The following KCTD20 variants were observed in gnomAD, a reference collection of about 807,000 sequenced individuals.
KCTD20 encodes the protein potassium channel tetramerization domain containing 20, also known as BTB/POZ domain-containing protein KCTD20.
Under a neutral mutation model 39.6 loss-of-function variants are expected in KCTD20, and 30 were observed. That is an observed-to-expected ratio of 0.76 (90% CI 0.57 to 1.03). The LOEUF (loss-of-function observed/expected upper bound fraction) is 1.03. Ranked by LOEUF, KCTD20 falls within the 50% of genes least tolerant of loss-of-function variation. KCTD20 has a pLI of 0.00. For synonymous variants in KCTD20, 162 were observed against 180.6 expected, an observed-to-expected ratio of 0.90 and a Z score of 0.83; for missense variants, 422 against 522.0, an observed-to-expected ratio of 0.81 and a Z score of 1.87.
At chr6:36,478,313 G>A (rs1776135671) in intron 3 of KCTD20, among the ~76,000 whole-genome samples, 1 of 152,170 alleles carries the variant, frequency 6.6e-6, no homozygotes, top group Non-Finnish European at 1.5e-5. Flanking sequence ...AGTGCAGCAG[G>A]AGTGGAAGTC....
chr6:36,484,238 AC>A (rs1471269003), intron 6 of KCTD20, among the ~76,000 whole-genome samples: 1 of 151,956 alleles, frequency 6.6e-6, no homozygotes, highest in Non-Finnish European at 1.5e-5. Context: ...CCCAGCCAAA[AC>A]CTTTTTAGTT....
At position 36,481,833 on chromosome 6, in the gene KCTD20, A is replaced by T. The variant is rs962430108; in HGVS notation, c.856+74A>T. ...CCTGGAGTAGCAGCTTGATCCTAGAACCAATGTGAATATCAATGTTGAGCC... is the reference window on the plus strand; with the variant it reads ...CCTGGAGTAGCAGCTTGATCCTAGATCCAATGTGAATATCAATGTTGAGCC... On this transcript the variant is annotated intron_variant, in intron 6 of 7. Coordinates refer to ENST00000373731, the MANE Select transcript of KCTD20 (RefSeq NM_173562.5). 1.4e-5 allele frequency: 17 copies of T among 1,254,436 alleles called. No individual in the cohort carries two copies. The African/African-American group carries it at 2.2e-4, about 16-fold the overall frequency. 77.7% of individuals were successfully genotyped at this position (1,254,436 alleles called of 1,614,324 possible). A position where few individuals can be genotyped will look rare whatever the true frequency, so the allele number is the denominator to read the frequency against.
intron 1 of KCTD20, among the ~76,000 whole-genome samples, chr6:36,466,538 T>G (rs896649066): frequency 6.6e-6 from 1 of 151,946 alleles, no homozygotes; most frequent in Non-Finnish European, 1.5e-5. Flanking sequence ...TGCACCACCA[T>G]GTCTGGCTAA....
rs1367865482 is a variant in KCTD20, at chr6:36,470,111, G to C, written c.14G>C (p.Arg5Pro). The change falls in exon 2 of 8, where the codon CGT (arginine) becomes CCT (proline). Residue 5 changes from arginine (R) to proline (P), a missense_variant. Coordinates refer to ENST00000373731, the MANE Select transcript of KCTD20 (RefSeq NM_173562.5). ...CAGAATCTAAGGATGAATGTTCACCGTGGCAGTGACAGTGACAGGTTATTG... is the reference window on the plus strand; with the variant it reads ...CAGAATCTAAGGATGAATGTTCACCCTGGCAGTGACAGTGACAGGTTATTG... MNVH[R>P]GSDSDRLLRQ... 1 of 1,613,008 alleles carries C rather than the reference G, an allele frequency of 6.2e-7. No homozygotes were observed. Among genetic ancestry groups the C allele is most frequent in the Non-Finnish European group, 8.5e-7 (1 of 1,179,374 alleles).
At chr6:36,447,123 G>A (rs148375949) in intron 1 of KCTD20, among the ~76,000 whole-genome samples, 1 of 152,300 alleles carries the variant, frequency 6.6e-6, no homozygotes, top group Non-Finnish European at 1.5e-5. Flanking sequence ...AAGAATGTGG[G>A]TTGTGGAGTC....
rs751078583 is a variant in KCTD20, at chr6:36,488,638, C to T, written c.*1463C>T. ...ACCCCAAATCTGAAAGGCTTCTGAA[C>T]GTCATGTCAGCACTCAAAAAAGTGG... On this transcript the variant is annotated 3_prime_UTR_variant, in exon 8 of 8. Coordinates refer to ENST00000373731, the MANE Select transcript of KCTD20 (RefSeq NM_173562.5). The T allele has an allele frequency of 3.9e-5, 6 of 152,120 alleles. No individual in the cohort carries two copies. Among genetic ancestry groups the T allele is most frequent in the South Asian group, 2.1e-4 (1 of 4,828 alleles). 9.4% of individuals were successfully genotyped at this position (152,120 alleles called of 1,614,324 possible).
intron 2 of KCTD20, among the ~76,000 whole-genome samples, chr6:36,473,217 C>T (rs1775963357): frequency 6.6e-6 from 1 of 151,966 alleles, no homozygotes; most frequent in African/African-American, 2.4e-5. Context: ...CCCGCCACCA[C>T]ACTCAGCTAA....
At chr6:36,453,336 C>T (rs1055515413) in intron 1 of KCTD20, among the ~76,000 whole-genome samples, 1 of 151,838 alleles carries the variant, frequency 6.6e-6, no homozygotes, top group Non-Finnish European at 1.5e-5. Flanking sequence ...GTTTTGTTTT[C>T]TTAAAGCCAA....
chr6:36,454,766 T>C (rs1775380129), intron 1 of KCTD20, among the ~76,000 whole-genome samples: 1 of 152,114 alleles, frequency 6.6e-6, no homozygotes, highest in East Asian at 1.9e-4. Context: ...GTCTCCCAAG[T>C]ACCTGGGACT....
At chr6:36,477,953 G>A (rs1172922138) in intron 3 of KCTD20, among the ~76,000 whole-genome samples, 1 of 151,342 alleles carries the variant, frequency 6.6e-6, no homozygotes, top group Non-Finnish European at 1.5e-5. Flanking sequence ...AAATTAGCCG[G>A]GTGCCCTGGC....
At position 36,478,106 on chromosome 6, in the gene KCTD20, G is replaced by GA. The variant is rs1280745768; in HGVS notation, c.435-1011dup. Among the ~76,000 whole-genome samples the GA allele has an allele frequency of 7.8e-3, 705 of 89,842 alleles. 7 individuals are homozygous for GA. The highest frequency in any genetic ancestry group is 0.013 in the Admixed American group (104 of 8,042). The allele number at this position is 89,842 out of a possible 152,430, so 58.9% of individuals were successfully genotyped here. A position where few individuals can be genotyped will look rare whatever the true frequency, so the allele number is the denominator to read the frequency against. The stretch of plus-strand genomic sequence containing the variant: ...CGAAACTCCATCTCAAAAAAAAAAA[G>GA]AAAAGAAAAGCAGCCAGTTCAGGCT... On this transcript the variant is annotated intron_variant, in intron 3 of 7. Transcript: ENST00000373731.
chr6:36,460,504 C>T (rs1489136820), intron 1 of KCTD20, among the ~76,000 whole-genome samples: 11 of 152,126 alleles, frequency 7.2e-5, no homozygotes. Flanking sequence ...GGGGTTTCAC[C>T]ATGTTGGCCA....
intron 6 of KCTD20, among the ~76,000 whole-genome samples, chr6:36,482,385 C>T (rs1776277023): frequency 6.6e-6 from 1 of 151,920 alleles, no homozygotes; most frequent in African/African-American, 2.4e-5. Flanking sequence ...AAGCCCATCT[C>T]TACTAAAAAT....
At chr6:36,454,326 T>G (rs1395737964) in intron 1 of KCTD20, among the ~76,000 whole-genome samples, 1 of 149,280 alleles carries the variant, frequency 6.7e-6, no homozygotes, top group Non-Finnish European at 1.5e-5. Context: ...CCACAAGACC[T>G]AAAATATTTA....
chr6:36,477,902 G>A (rs1776116417), intron 3 of KCTD20, among the ~76,000 whole-genome samples: 1 of 150,828 alleles, frequency 6.6e-6, no homozygotes, highest in Non-Finnish European at 1.5e-5. Flanking sequence ...TCAGGAGATC[G>A]AGACCACGAT....
chr6:36,453,958 G>A (rs1775348694), intron 1 of KCTD20, among the ~76,000 whole-genome samples: 4 of 152,144 alleles, frequency 2.6e-5, no homozygotes, highest in Admixed American at 2.6e-4. Flanking sequence ...TCAGAAGTGT[G>A]TTGCTTAATT....
chr6:36,476,578 T>C (rs565366533), intron 3 of KCTD20, among the ~76,000 whole-genome samples: 4 of 152,006 alleles, frequency 2.6e-5, no homozygotes, highest in African/African-American at 4.8e-5. Context: ...CACAGGTGTG[T>C]GCCACCACAC....
rs539982186 is a variant in KCTD20, at chr6:36,457,992, T to G, written c.-46-12060T>G. 5.6e-3 allele frequency among the ~76,000 whole-genome samples: 851 copies of G among 152,064 alleles called. 10 individuals are homozygous for G. Among genetic ancestry groups the G allele is most frequent in the Middle Eastern group, 0.031 (9 of 294 alleles). On this transcript the variant is annotated intron_variant, in intron 1 of 7. Coordinates refer to ENST00000373731, the MANE Select transcript of KCTD20 (RefSeq NM_173562.5). ...TGATTGGTAAAATTGTGGCGGTGGGTGATTGGGAGACCATCATAAGGTTGC... is the reference window on the plus strand; with the variant it reads ...TGATTGGTAAAATTGTGGCGGTGGGGGATTGGGAGACCATCATAAGGTTGC...
At chr6:36,477,422 G>T (rs1338106645) in intron 3 of KCTD20, among the ~76,000 whole-genome samples, 1 of 151,900 alleles carries the variant, frequency 6.6e-6, no homozygotes, top group Non-Finnish European at 1.5e-5. Flanking sequence ...TATCAAGATG[G>T]AATTCTTATG....
Sources: allele counts gnomAD v4.1 joint callset (sites outside exome capture counted in the v4.1 genomes callset), GRCh38; gene constraint gnomAD v4.1.1; transcripts MANE v1.5; gene names NCBI Gene and HGNC (gene_info 2026-07-23, HGNC 2026-07-21).